HMCN2: variants seen among roughly 807,000 people sequenced by gnomAD.
HMCN2 encodes hemicentin 2, also known as hemicentin-2.
Under a neutral mutation model 377.5 loss-of-function variants are expected in HMCN2, and 325 were observed. The ratio of observed to expected loss-of-function variants is 0.86; its 90% CI spans 0.79 to 0.94. The LOEUF is 0.94. HMCN2 is among the 40% of genes least tolerant of loss of function. HMCN2 has a pLI of 0.00. For missense variants in HMCN2, 4,543 were observed against 4,725.3 expected (o/e 0.96, Z 1.13); for synonymous variants, 2,007 against 2,046.8 (o/e 0.98, Z 0.53).
intron 61 of HMCN2, 128 bp downstream of exon 61, chr9:130,386,652 A>C (rs1842038042): frequency 4.9e-6 from 2 of 405,424 alleles, no homozygotes; most frequent in African/African-American, 4.2e-5. Context: ...CAATGACTAG[A>C]ATTTGTGTAC....
intron 4 of HMCN2, among the ~76,000 whole-genome samples, chr9:130,291,783 A>G (rs560693023): frequency 6.6e-6 from 1 of 152,346 alleles, no homozygotes; most frequent in African/African-American, 2.4e-5. Context: ...GTATCATTCT[A>G]TACATAGCCC....
At chr9:130,318,924 G>A (rs976370688) in intron 15 of HMCN2, among the ~76,000 whole-genome samples, 20 of 152,342 alleles carry the variant, frequency 1.3e-4, no homozygotes, top group Non-Finnish European at 2.8e-4. Context: ...TTGCGGGGGC[G>A]GCAATAGAAG....
At chr9:130,413,662 C>T (rs1843534263) in intron 85 of HMCN2, among the ~76,000 whole-genome samples, 1 of 152,074 alleles carries the variant, frequency 6.6e-6, no homozygotes, top group African/African-American at 2.4e-5. Flanking sequence ...TTCTTTTTGT[C>T]CCTTATATCC....
chr9:130,334,708 T>TCC (rs1838625658), intron 22 of HMCN2, among the ~76,000 whole-genome samples: 1 of 145,474 alleles, frequency 6.9e-6, no homozygotes, highest in African/African-American at 2.5e-5. Flanking sequence ...TTTCTTTCTT[T>TCC]CTCTCTCTCT....
Position 130,276,643 on chromosome 9 carries a change from C to A in HMCN2, c.260-7960C>A, listed in dbSNP as rs868948959. Reference sequence around the variant, plus strand: ...AGGAGGCAGATAAAGGTTCTGGAGCCATTTTGGCTCTTTGGGCAGAACCAC... The same window carrying A: ...AGGAGGCAGATAAAGGTTCTGGAGCAATTTTGGCTCTTTGGGCAGAACCAC... On this transcript the variant is annotated intron_variant, in intron 1 of 97. Coordinates refer to ENST00000683500, the MANE Select transcript of HMCN2 (RefSeq NM_001291815.2). 9.2e-5 allele frequency among the ~76,000 whole-genome samples: 14 copies of A among 152,258 alleles called. No individual in the cohort carries two copies. In the Middle Eastern group the frequency reaches 0.01, roughly 111 times the overall value.
Position 130,422,111 on chromosome 9 carries a change from C to A in HMCN2, c.13232-466C>A, listed in dbSNP as rs1441699911. On this transcript the variant is annotated intron_variant, in intron 86 of 97. Transcript: ENST00000683500. The surrounding 1 kb of genome is among the most constrained non-coding windows in gnomAD (Gnocchi z 4.2). ...CAGGCCAGCTGCAGGGCAGCCAGGGCCAGCAGCACTGATGGAATGGGGCTG... is the reference window on the plus strand; with the variant it reads ...CAGGCCAGCTGCAGGGCAGCCAGGGACAGCAGCACTGATGGAATGGGGCTG... Among the ~76,000 whole-genome samples the A allele has an allele frequency of 6.6e-6, 1 of 152,226 alleles. No homozygotes were observed. The highest frequency in any genetic ancestry group is 2.4e-5 in the African/African-American group (1 of 41,462).
intron 66 of HMCN2, among the ~76,000 whole-genome samples, chr9:130,392,792 CAAGACCATCCTGGCTAACACGGT>C (rs1564848013): frequency 6.6e-6 from 1 of 152,044 alleles, no homozygotes; most frequent in Non-Finnish European, 1.5e-5. Context: ...GTCAGGAGAT[CAAGACCATCCTGGCTAACACGGT>C]GAAACCCCGT....
chr9:130,343,779 G>A (rs1244993784), intron 25 of HMCN2, among the ~76,000 whole-genome samples: 11 of 152,368 alleles, frequency 7.2e-5, no homozygotes, highest in South Asian at 2.1e-4. Context: ...GGGCTGCCCC[G>A]GCCTCCTTCC....
rs1351579268 is a variant in HMCN2 at position 130,385,699 on chromosome 9, G to A, written c.9246G>A (p.Leu3082=). Residue 3082 remains leucine, a synonymous_variant, in exon 60 of 98, where the codon CTG becomes CTA. Coordinates refer to ENST00000683500, the MANE Select transcript of HMCN2 (RefSeq NM_001291815.2). ...TVTWYKDGQP[L]VLAQRTQALR... is the part of the protein sequence containing the mutation. ...CCTGGTACAAGGATGGGCAGCCCCT[G>A]GTCCTGGCACAGCGGACCCAGGCTC... The A allele has an allele frequency of 7.7e-7, 1 of 1,304,220 alleles. No individual in the cohort carries two copies. The highest frequency in any genetic ancestry group is 5.6e-5 in the East Asian group (1 of 18,012). 80.8% of individuals were successfully genotyped at this position (1,304,220 alleles called of 1,614,324 possible). A position where few individuals can be genotyped will look rare whatever the true frequency, so the allele number is the denominator to read the frequency against.
chr9:130,324,547 T>C (rs1588243113), intron 19 of HMCN2, among the ~76,000 whole-genome samples: 4 of 152,202 alleles, frequency 2.6e-5, no homozygotes, highest in South Asian at 2.1e-4. Context: ...ATAGTTTACA[T>C]TGGGGTTCCC....
chr9:130,424,345 A>AT (rs33954002), intron 87 of HMCN2, among the ~76,000 whole-genome samples: 49,544 of 142,050 alleles, frequency 0.35, 9,404 homozygotes, highest in Middle Eastern at 0.52. Context: ...CGCCCGGCTA[A>AT]TTTTTTTTTT....
chr9:130,268,614 T>C (rs1349458559), intron 1 of HMCN2, among the ~76,000 whole-genome samples: 1 of 149,144 alleles, frequency 6.7e-6, no homozygotes, highest in African/African-American at 2.4e-5. Flanking sequence ...AGCCTGTGAG[T>C]AGGGCCTGAA....
chr9:130,391,549 CA>C lies in HMCN2; in HGVS notation c.9928del (p.Arg3310GlyfsTer5), dbSNP rs1842324373. 1.0e-6 allele frequency: 1 copy of C among 987,566 alleles called. No homozygotes were observed. Among genetic ancestry groups the C allele is most frequent in the East Asian group, 1.1e-4 (1 of 8,802 alleles). The allele number at this position is 987,566 out of a possible 1,614,324, so 61.2% of individuals were successfully genotyped here. On this transcript the variant is annotated frameshift_variant, in exon 65 of 98. Transcript: ENST00000683500. LOFTEE classifies it high-confidence loss of function. ...CCCACAACCCAGCCGGGGAGGACGC[CA>C]GGCTGCACACGGTGAATGTGCTGGG... ...VAHNPAGEDA[R>X]LHTVNVLVPP...
At position 130,391,100 on chromosome 9, in the gene HMCN2, A is replaced by G; in HGVS notation, c.9647A>G (p.Asp3216Gly). 2.0e-6 allele frequency: 2 copies of G among 987,734 alleles called. No individual in the cohort carries two copies. Among genetic ancestry groups the G allele is most frequent in the Non-Finnish European group, 2.4e-6 (2 of 830,186 alleles). The allele number at this position is 987,734 out of a possible 1,614,324, so 61.2% of individuals were successfully genotyped here. A position where few individuals can be genotyped will look rare whatever the true frequency, so the allele number is the denominator to read the frequency against. The change falls in exon 63 of 98, where the codon GAC becomes GGC. Residue 3216 changes from aspartate to glycine, a missense_variant. This residue lies in a region of HMCN2 where 736 missense variants were observed against 773.2 expected (regional missense o/e 0.95). Transcript: ENST00000683500. ...AACACCCAGGCTGAGGCCCGCAAGGACTTCGTGGTAGCAGTGCTGGGTAGG... is the reference window on the plus strand; with the variant it reads ...AACACCCAGGCTGAGGCCCGCAAGGGCTTCGTGGTAGCAGTGCTGGGTAGG... ...AENTQAEARK[D>G]FVVAVLVAPR...
intron 1 of HMCN2, among the ~76,000 whole-genome samples, chr9:130,278,901 CTTTTTTT>C (rs1162905487): frequency 7.6e-6 from 1 of 132,358 alleles, no homozygotes; most frequent in African/African-American, 2.8e-5. Context: ...TTTTCTTTTT[CTTTTTTT>C]TTTTTTTTGA....
chr9:130,389,269 A>G (rs1030212666), intron 62 of HMCN2, among the ~76,000 whole-genome samples: 5 of 152,222 alleles, frequency 3.3e-5, no homozygotes, highest in African/African-American at 1.2e-4. Context: ...TCACCCACTG[A>G]AAACATCCAA....
At chr9:130,282,597 G>T (rs1835181895) in intron 1 of HMCN2, among the ~76,000 whole-genome samples, 1 of 152,196 alleles carries the variant, frequency 6.6e-6, no homozygotes, top group Non-Finnish European at 1.5e-5. Context: ...AGAGCAGAGG[G>T]GCCGGGGCCA....
chr9:130,408,649 G>A (rs1843235918), intron 83 of HMCN2, 94 bp from the exon 84 acceptor site: 3 of 878,640 alleles, frequency 3.4e-6, no homozygotes, highest in Non-Finnish European at 4.7e-6. Flanking sequence ...GAGGCCCCTG[G>A]AGGCAGGAGT....
At chr9:130,353,653 A>G (rs1839852121) in intron 31 of HMCN2, among the ~76,000 whole-genome samples, 1 of 152,198 alleles carries the variant, frequency 6.6e-6, no homozygotes, top group African/African-American at 2.4e-5. Flanking sequence ...GTCGCAGTGA[A>G]GCTCTGGAGC....
Sources: gnomAD v4.1 joint callset for allele counts (sites outside exome capture counted in the v4.1 genomes callset) on GRCh38, gnomAD v4.1.1 for gene constraint, gnomAD v4.1.1 regional missense constraint, Gnocchi (gnomAD v3.1) non-coding constraint, MANE v1.5 for transcripts, NCBI Gene and HGNC (gene_info 2026-07-23, HGNC 2026-07-21) for gene names.